TMEM19: variants seen among roughly 807,000 people sequenced by gnomAD.
The protein encoded by TMEM19 is transmembrane protein 19.
TMEM19 carries 21 observed loss-of-function variants against 33.6 expected under a neutral mutation model. The ratio of observed to expected loss-of-function variants is 0.62; its 90% CI spans 0.44 to 0.90. TMEM19 has a LOEUF of 0.90. TMEM19 is among the 40% of genes least tolerant of loss of function. TMEM19 has a pLI of 0.00. For synonymous variants in TMEM19, 149 were observed against 147.5 expected (o/e 1.01, Z -0.07); for missense variants, 402 against 401.8 (o/e 1.00, Z 0.00).
chr12:71,701,126 G>A lies in TMEM19; in HGVS notation c.*131G>A. 1.1e-6 allele frequency: 1 copy of A among 933,526 alleles called. No individual in the cohort carries two copies. Among genetic ancestry groups the A allele is most frequent in the South Asian group, 2.3e-5 (1 of 43,440 alleles). The allele number at this position is 933,526 out of a possible 1,614,324, so 57.8% of individuals were successfully genotyped here. On this transcript the variant is annotated 3_prime_UTR_variant, in exon 6 of 6. Transcript: ENST00000266673. ...TTCCTCCTGTATTCCATTGAGATGG[G>A]ATTTCACATTTTCCTCTCATCAACT...
chr12:71,699,982 C>G (rs969930446), intron 5 of TMEM19: 1 of 152,266 alleles, frequency 6.6e-6, no homozygotes, highest in Admixed American at 6.5e-5. Flanking sequence ...GCTCCACACT[C>G]TCATCAACCA....
chr12:71,699,245 C>T (rs1326581101), intron 5 of TMEM19, 136 bp downstream of exon 5: 1 of 881,926 alleles, frequency 1.1e-6, no homozygotes, highest in Non-Finnish European at 1.7e-6. Flanking sequence ...GGCAAAGTCT[C>T]TTTCACAATT....
chr12:71,702,716 G>A lies in TMEM19; in HGVS notation c.*1721G>A, dbSNP rs1345897774. ...AGCCTGGATATTGAGACTTTTTAAA[G>A]CTCTGACTGTACATTGAATCATCAT... On this transcript the variant is annotated 3_prime_UTR_variant, in exon 6 of 6. Transcript: ENST00000266673. The A allele has an allele frequency of 6.6e-6, 1 of 152,162 alleles. No individual in the cohort carries two copies. The highest frequency in any genetic ancestry group is 2.4e-5 in the African/African-American group (1 of 41,424). 9.4% of individuals were successfully genotyped at this position (152,162 alleles called of 1,614,324 possible). A position where few individuals can be genotyped will look rare whatever the true frequency, so the allele number is the denominator to read the frequency against.
Position 71,703,157 on chromosome 12 carries a change from AC to A in TMEM19, c.*2163del, listed in dbSNP as rs1882009775. On this transcript the variant is annotated 3_prime_UTR_variant, in exon 6 of 6. Coordinates refer to ENST00000266673, the MANE Select transcript of TMEM19 (RefSeq NM_018279.4). ...GCACCACTGTACTCCAGCCTGGGCAACAGAGGGAGACTCCATCTAGACTCCA... is the reference window on the plus strand; with the variant it reads ...GCACCACTGTACTCCAGCCTGGGCAAAGAGGGAGACTCCATCTAGACTCCA... 1 of 140,050 alleles carries A rather than the reference AC, an allele frequency of 7.1e-6. No individual in the cohort carries two copies. Among genetic ancestry groups the A allele is most frequent in the Non-Finnish European group, 1.5e-5 (1 of 65,666 alleles). 8.7% of individuals were successfully genotyped at this position (140,050 alleles called of 1,614,324 possible).
chr12:71,686,354 T>G lies in TMEM19; in HGVS notation c.-327T>G. ...AACTCGCCAGCGCCGGGACCGCGGA[T>G]TGGCTGCCTCGGCTTTCTCTTTTCC... On this transcript the variant is annotated 5_prime_UTR_variant, in exon 1 of 6. Transcript: ENST00000266673. The G allele has an allele frequency of 3.9e-6, 1 of 258,288 alleles. No homozygotes were observed. The allele number at this position is 258,288 out of a possible 1,614,324, so 16.0% of individuals were successfully genotyped here. A position where few individuals can be genotyped will look rare whatever the true frequency, so the allele number is the denominator to read the frequency against.
Position 71,701,115 on chromosome 12 carries a change from C to A in TMEM19, c.*120C>A. The A allele has an allele frequency of 1.9e-6, 2 of 1,026,308 alleles. No homozygotes were observed. The highest frequency in any genetic ancestry group is 2.7e-6 in the Non-Finnish European group (2 of 729,960). 63.6% of individuals were successfully genotyped at this position (1,026,308 alleles called of 1,614,324 possible). A position where few individuals can be genotyped will look rare whatever the true frequency, so the allele number is the denominator to read the frequency against. On this transcript the variant is annotated 3_prime_UTR_variant, in exon 6 of 6. Coordinates refer to ENST00000266673, the MANE Select transcript of TMEM19 (RefSeq NM_018279.4). ...GGAAATGCCAGTTCCTCCTGTATTC[C>A]ATTGAGATGGGATTTCACATTTTCC...
At chr12:71,689,534 C>A in intron 1 of TMEM19, 57 bp from the exon 2 acceptor site, 1 of 1,394,698 alleles carries the variant, frequency 7.2e-7, no homozygotes, top group Non-Finnish European at 1.0e-6. Context: ...AGTTTACTGC[C>A]AAAACTAACC....
At chr12:71,687,927 A>G (rs993408111) in intron 1 of TMEM19, among the ~76,000 whole-genome samples, 4 of 152,340 alleles carry the variant, frequency 2.6e-5, no homozygotes, top group African/African-American at 7.2e-5. Context: ...AGACATGTGA[A>G]TAGTTGGAAA....
intron 1 of TMEM19, among the ~76,000 whole-genome samples, chr12:71,689,227 A>G (rs7964597): frequency 0.039 from 5,901 of 152,248 alleles, 377 homozygotes; most frequent in African/African-American, 0.13. Context: ...TACTTTTTCT[A>G]TGTTTAGATA....
At chr12:71,689,097 G>A (rs570685466) in intron 1 of TMEM19, among the ~76,000 whole-genome samples, 127 of 152,222 alleles carry the variant, frequency 8.3e-4, no homozygotes, top group African/African-American at 2.6e-3. Flanking sequence ...CTGTTTCTCC[G>A]AAAATATGCA....
intron 2 of TMEM19, among the ~76,000 whole-genome samples, chr12:71,693,548 C>G (rs1881821439): frequency 6.6e-6 from 1 of 152,156 alleles, no homozygotes; most frequent in Non-Finnish European, 1.5e-5. Context: ...AATGAATTAT[C>G]ATGAAGTGTT....
intron 5 of TMEM19, 28 bp from the exon 6 acceptor site, chr12:71,700,804 A>G (rs757277281): frequency 6.6e-6 from 10 of 1,514,270 alleles, no homozygotes; most frequent in Middle Eastern, 1.8e-4. Flanking sequence ...TGGGTTTTCT[A>G]TCTCACTTGC....
Position 71,697,247 on chromosome 12 carries a change from ATTTG to A in TMEM19, c.383-27_383-24del, listed in dbSNP as rs10554959. ...ATGGTTTTTCTTCTAAGGAGGAATC[ATTTG>A]TTTGTCCTTTTCATCTGTTTGTTTC... On this transcript the variant is annotated intron_variant, in intron 3 of 5. Transcript: ENST00000266673. 11,145 of 1,558,816 alleles carry A rather than the reference ATTTG, an allele frequency of 7.1e-3. 721 individuals are homozygous for A. In the African/African-American group the frequency reaches 0.14, roughly 19 times the overall value.
rs759085407 is a variant in TMEM19 at position 71,689,636 on chromosome 12, T to C, written c.176T>C (p.Val59Ala). ...CCGTGGCGTTGGCTGTTTTCTGTTGTTGTTCCTGTTCTGATCGTCTCTAAT... is the reference window on the plus strand; with the variant it reads ...CCGTGGCGTTGGCTGTTTTCTGTTGCTGTTCCTGTTCTGATCGTCTCTAAT... ...ISPWRWLFSV[V>A]VPVLIVSNGL... The change falls in exon 2 of 6, where the codon GTT becomes GCT. Residue 59 changes from valine to alanine, a missense_variant. Coordinates refer to ENST00000266673, the MANE Select transcript of TMEM19 (RefSeq NM_018279.4). 5.6e-6 allele frequency: 9 copies of C among 1,614,192 alleles called. No homozygotes were observed. The Admixed American group carries it at 1.5e-4, about 27-fold the overall frequency.
At chr12:71,696,652 TG>T (rs1216407628) in intron 3 of TMEM19, 79 bp downstream of exon 3, 11 of 1,326,020 alleles carry the variant, frequency 8.3e-6, no homozygotes, top group Non-Finnish European at 1.0e-5. Context: ...TTTTTGTTTT[TG>T]TTTTTTTTTT....
At chr12:71,691,187 A>G (rs966918695) in intron 2 of TMEM19, among the ~76,000 whole-genome samples, 6 of 152,212 alleles carry the variant, frequency 3.9e-5, no homozygotes, top group Non-Finnish European at 8.8e-5. Context: ...TCTCTTCATA[A>G]TTAAGAAATA....
chr12:71,698,881 C>T lies in TMEM19; in HGVS notation c.638-19C>T. 1 of 1,611,222 alleles carries T rather than the reference C, an allele frequency of 6.2e-7. No homozygotes were observed. The highest frequency in any genetic ancestry group is 8.5e-7 in the Non-Finnish European group (1 of 1,177,610). ...TGCTGATTATTAACCGGATGATTTT[C>T]TGCATGTTTCTTCTTCAGGTACCAA... On this transcript the variant is annotated intron_variant, in intron 4 of 5. Transcript: ENST00000266673.
At chr12:71,692,824 C>G (rs550395225) in intron 2 of TMEM19, among the ~76,000 whole-genome samples, 1 of 152,058 alleles carries the variant, frequency 6.6e-6, no homozygotes, top group African/African-American at 2.4e-5. Context: ...TAGATGTAGT[C>G]TGATTTTTAA....
In TMEM19 at chr12:71,688,946, C is replaced by T. The variant is rs567810407; in HGVS notation, c.131-645C>T. On this transcript the variant is annotated intron_variant, in intron 1 of 5. Coordinates refer to ENST00000266673, the MANE Select transcript of TMEM19 (RefSeq NM_018279.4). ...CAAAAAGAGTTCGTTCTAGGTAGTC[C>T]TTGAAATTTAATACGTGCCCCCTTT... 1.7e-3 allele frequency among the ~76,000 whole-genome samples: 265 copies of T among 152,214 alleles called. 1 individual carries two copies. The highest frequency in any genetic ancestry group is 3.0e-3 in the Non-Finnish European group (204 of 68,016).
Sources: allele counts gnomAD v4.1 joint callset (sites outside exome capture counted in the v4.1 genomes callset), GRCh38; gene constraint gnomAD v4.1.1; transcripts MANE v1.5; gene names NCBI Gene and HGNC (gene_info 2026-07-23, HGNC 2026-07-21).